MIPEP: variants seen among roughly 807,000 people sequenced by gnomAD.
The protein encoded by MIPEP is mitochondrial intermediate peptidase.
Under a neutral mutation model 90.3 loss-of-function variants are expected in MIPEP, and 79 were observed. The observed-to-expected ratio is 0.87, with a 90% CI of 0.73 to 1.05. The LOEUF (loss-of-function observed/expected upper bound fraction) is 1.05, where lower values mean the gene tolerates loss of function less well. Ranked by LOEUF, MIPEP falls within the 50% of genes least tolerant of loss-of-function variation. The pLI is 0.00. For synonymous variants in MIPEP, 334 were observed against 315.8 expected, an observed-to-expected ratio of 1.06 and a Z score of -0.61; for missense variants, 940 against 905.6, an observed-to-expected ratio of 1.04 and a Z score of -0.49.
At chr13:23,761,595 A>C (rs940218839) in intron 16 of MIPEP, among the ~76,000 whole-genome samples, 6 of 152,198 alleles carry the variant, frequency 3.9e-5, no homozygotes, top group Non-Finnish European at 7.3e-5. Context: ...TCTGTTGCTA[A>C]AGTGGAAAAC....
intron 15 of MIPEP, among the ~76,000 whole-genome samples, chr13:23,809,062 A>C (rs2137407290): frequency 1.3e-5 from 2 of 152,278 alleles, no homozygotes; most frequent in East Asian, 3.9e-4. Flanking sequence ...ACAAACATCT[A>C]CGCATCTGAT....
At chr13:23,829,408 G>A (rs953057304) in intron 14 of MIPEP, among the ~76,000 whole-genome samples, 5 of 151,864 alleles carry the variant, frequency 3.3e-5, no homozygotes, top group African/African-American at 1.2e-4. Flanking sequence ...GGGCGAAAGA[G>A]CAAGACTCTG....
chr13:23,814,070 A>T (rs1212189618), intron 14 of MIPEP, among the ~76,000 whole-genome samples: 2 of 152,220 alleles, frequency 1.3e-5, no homozygotes, highest in African/African-American at 2.4e-5. Context: ...AAAATTTACC[A>T]AAGTCTGAGG....
chr13:23,839,611 T>C, intron 12 of MIPEP, 38 bp downstream of exon 12: 1 of 1,349,602 alleles, frequency 7.4e-7, no homozygotes, highest in Non-Finnish European at 1.0e-6. Context: ...GAAATGCCGA[T>C]CGGTTCTAGA....
At chr13:23,807,601 A>G (rs2137404039) in intron 15 of MIPEP, among the ~76,000 whole-genome samples, 1 of 152,348 alleles carries the variant, frequency 6.6e-6, no homozygotes, top group Admixed American at 6.5e-5. Flanking sequence ...CTGGTAATCT[A>G]AACATATAGC....
chr13:23,819,388 T>C (rs1010921906), intron 14 of MIPEP, among the ~76,000 whole-genome samples: 19 of 152,224 alleles, frequency 1.2e-4, no homozygotes, highest in Non-Finnish European at 2.5e-4. Flanking sequence ...TGCTAATCAA[T>C]CGGCTTTTTT....
chr13:23,888,138 T>A (rs1331353585), intron 1 of MIPEP: 2 of 439,260 alleles, frequency 4.6e-6, no homozygotes, highest in East Asian at 1.4e-4. Flanking sequence ...AAATTAGTTA[T>A]ATCTCATCCA....
chr13:23,854,849 G>A (rs7988019), intron 10 of MIPEP, among the ~76,000 whole-genome samples: 99,872 of 151,388 alleles, frequency 0.66, 33,545 homozygotes, highest in African/African-American at 0.78. Context: ...CTGAGATCAC[G>A]TCACTGCACT....
intron 16 of MIPEP, among the ~76,000 whole-genome samples, chr13:23,790,527 T>G (rs1952887515): frequency 1.3e-5 from 2 of 152,216 alleles, no homozygotes; most frequent in South Asian, 4.1e-4. Context: ...TCCTGAATTA[T>G]CTGAGTACGC....
Position 23,886,341 on chromosome 13 carries a change from C to A in MIPEP, c.355G>T (p.Ala119Ser). Residue 119 changes from alanine to serine, a missense_variant, in exon 2 of 19, where the codon GCC becomes TCC. Physicochemically the swap from Ala to Ser is moderately conservative, Grantham distance 99 (BLOSUM62 1). Transcript: ENST00000382172. The stretch of plus-strand genomic sequence containing the variant: ...GAGGTAAAGCACCTTACCAAGTCGG[C>A]CACTCTGCATAAGGAATCCGAGAGC... ...DELSDSLCRV[A>S]DLADFVKIAH... The A allele has an allele frequency of 6.5e-7, 1 of 1,535,734 alleles. No individual in the cohort carries two copies. The highest frequency in any genetic ancestry group is 1.4e-5 in the African/African-American group (1 of 71,846).
chr13:23,867,924 ATAT>A (rs1870612343), intron 7 of MIPEP, among the ~76,000 whole-genome samples: 2 of 150,954 alleles, frequency 1.3e-5, no homozygotes, highest in Non-Finnish European at 3.0e-5. Flanking sequence ...TGATATTCTA[ATAT>A]TATTATTTTA....
intron 10 of MIPEP, among the ~76,000 whole-genome samples, chr13:23,853,412 TAC>T (rs974802841): frequency 9.8e-5 from 15 of 152,292 alleles, no homozygotes; most frequent in African/African-American, 3.6e-4. Flanking sequence ...TGCAGCTGCC[TAC>T]AGTTTTCAGT....
intron 18 of MIPEP, among the ~76,000 whole-genome samples, chr13:23,735,902 T>TA (rs201617008): frequency 2.3e-4 from 26 of 112,634 alleles, no homozygotes; most frequent in East Asian, 8.1e-4. Flanking sequence ...ACAGAAAATT[T>TA]AAAAAAAAAA....
Position 23,841,442 on chromosome 13 carries a change from C to A in MIPEP, c.1153G>T (p.Ala385Ser), listed in dbSNP as rs1304797851. The A allele has an allele frequency of 1.9e-6, 3 of 1,613,924 alleles. No individual in the cohort carries two copies. The highest frequency in any genetic ancestry group is 2.5e-6 in the Non-Finnish European group (3 of 1,180,018). Residue 385 changes from alanine (A) to serine (S), a missense_variant, in exon 11 of 19, where the codon GCA becomes TCA. Coordinates refer to ENST00000382172, the MANE Select transcript of MIPEP (RefSeq NM_005932.4). The part of the protein sequence containing the change: ...SLYCPFFSLG[A>S]CMEGLNILLN... Reference sequence around the variant, plus strand: ...AAAATATTCAGGCCTTCCATGCATGCTCCAAGAGAGAAAAACGGGCAATAT... The same window carrying A: ...AAAATATTCAGGCCTTCCATGCATGATCCAAGAGAGAAAAACGGGCAATAT...
chr13:23,812,096 G>C (rs1397365175), intron 14 of MIPEP, among the ~76,000 whole-genome samples: 2 of 152,146 alleles, frequency 1.3e-5, no homozygotes, highest in African/African-American at 4.8e-5. Flanking sequence ...TTAGGCACAA[G>C]GGGCACAAAC....
At chr13:23,789,820 G>T (rs908945922) in intron 16 of MIPEP, among the ~76,000 whole-genome samples, 1 of 152,086 alleles carries the variant, frequency 6.6e-6, no homozygotes, top group Admixed American at 6.5e-5. Flanking sequence ...CGCACTAGCA[G>T]TTCCACTGCG....
intron 16 of MIPEP, among the ~76,000 whole-genome samples, chr13:23,775,462 C>T (rs940907569): frequency 6.6e-6 from 1 of 152,096 alleles, no homozygotes. Flanking sequence ...GCCAATCAAT[C>T]CTGAAGTCCT....
At chr13:23,832,721 C>T (rs1306514161) in intron 14 of MIPEP, among the ~76,000 whole-genome samples, 1 of 152,136 alleles carries the variant, frequency 6.6e-6, no homozygotes, top group Admixed American at 6.5e-5. Flanking sequence ...ATGGGAAAAC[C>T]CATCAGACTG....
chr13:23,842,042 C>T (rs1006961875), intron 10 of MIPEP, among the ~76,000 whole-genome samples: 9 of 152,036 alleles, frequency 5.9e-5, no homozygotes, highest in South Asian at 2.1e-4. Flanking sequence ...TTAAAGACAA[C>T]GTAACTAGTA....
Sources: gnomAD v4.1 joint callset for allele counts (sites outside exome capture counted in the v4.1 genomes callset) on GRCh38, gnomAD v4.1.1 for gene constraint, MANE v1.5 for transcripts, NCBI Gene and HGNC (gene_info 2026-07-23, HGNC 2026-07-21) for gene names.